Variants in AKAP19 observed in about 807,000 individuals in gnomAD.
The protein encoded by AKAP19 is small A-kinase anchoring protein.
chr2:190,199,345 C>CA, the AKAP19 span, among the ~76,000 whole-genome samples: 6 of 152,048 alleles, frequency 3.9e-5, no homozygotes, highest in Admixed American at 3.3e-4. Flanking sequence ...CATGGCTGTA[C>CA]AAAAATAGGT....
the AKAP19 span, among the ~76,000 whole-genome samples, chr2:190,116,249 C>T: frequency 6.6e-6 from 1 of 152,142 alleles, no homozygotes. Flanking sequence ...TTTATGGGCT[C>T]ATGGTTCTGG....
At chr2:190,004,539 TTTC>T in the AKAP19 span, among the ~76,000 whole-genome samples, 3 of 152,130 alleles carry the variant, frequency 2.0e-5, no homozygotes, top group Non-Finnish European at 4.4e-5. Flanking sequence ...TGAACACTAT[TTTC>T]TTCTTTTGTG....
the AKAP19 span, among the ~76,000 whole-genome samples, chr2:190,070,864 T>G: frequency 3.3e-5 from 5 of 152,194 alleles, no homozygotes; most frequent in African/African-American, 4.8e-5. Flanking sequence ...TGATAAAGTA[T>G]GGTATAGTAA....
At chr2:190,126,314 A>AAAAAAAAAAAAAC in the AKAP19 span, among the ~76,000 whole-genome samples, 1 of 142,018 alleles carries the variant, frequency 7.0e-6, no homozygotes, top group Non-Finnish European at 1.5e-5. Context: ...AAAAAAAAAA[A>AAAAAAAAAAAAAC]AAAAAAAAAA....
chr2:190,007,833 G>A, the AKAP19 span, among the ~76,000 whole-genome samples: 56 of 152,032 alleles, frequency 3.7e-4, no homozygotes, highest in Admixed American at 7.2e-4. Context: ...GTGGTGGTGC[G>A]TGCCTGTAAT....
At chr2:189,967,655 C>A in the AKAP19 span, among the ~76,000 whole-genome samples, 8 of 151,570 alleles carry the variant, frequency 5.3e-5, no homozygotes, top group African/African-American at 1.9e-4. Context: ...ATTTGAGATG[C>A]AAAAAGAAAG....
the AKAP19 span, among the ~76,000 whole-genome samples, chr2:190,090,125 C>T: frequency 0.5 from 75,272 of 151,888 alleles, 19,132 homozygotes; most frequent in East Asian, 0.75. Flanking sequence ...TTGGGAGAGA[C>T]TGATATTACC....
chr2:190,112,160 C>G, the AKAP19 span, among the ~76,000 whole-genome samples: 68,764 of 152,060 alleles, frequency 0.45, 16,384 homozygotes, highest in South Asian at 0.68. Flanking sequence ...TTATAAAAAA[C>G]TATTTTCTTC....
the AKAP19 span, chr2:190,199,993 A>AG: frequency 6.2e-7 from 1 of 1,613,992 alleles, no homozygotes; most frequent in Non-Finnish European, 8.5e-7. Flanking sequence ...AGTTAATGTC[A>AG]AAGAGGAAGT....
chr2:189,976,866 G>A, the AKAP19 span, among the ~76,000 whole-genome samples: 6 of 152,152 alleles, frequency 3.9e-5, no homozygotes, highest in Non-Finnish European at 8.8e-5. Flanking sequence ...TTTTCCCGGT[G>A]CCGTCTGTCA....
At chr2:190,086,479 G>A in the AKAP19 span, among the ~76,000 whole-genome samples, 1 of 152,166 alleles carries the variant, frequency 6.6e-6, no homozygotes. Context: ...CAAGGAAGAT[G>A]GGGAAAGAGA....
the AKAP19 span, among the ~76,000 whole-genome samples, chr2:190,084,882 T>C: frequency 6.6e-6 from 1 of 152,252 alleles, no homozygotes; most frequent in East Asian, 1.9e-4. Context: ...GAGGGAATGC[T>C]GCCTCTGGTG....
the AKAP19 span, among the ~76,000 whole-genome samples, chr2:189,991,055 A>G: frequency 6.6e-6 from 1 of 152,208 alleles, no homozygotes. Context: ...GTAGTATTCC[A>G]TGGTATTATA....
chr2:190,044,975 T>G, the AKAP19 span, among the ~76,000 whole-genome samples: 1 of 152,110 alleles, frequency 6.6e-6, no homozygotes, highest in Non-Finnish European at 1.5e-5. Context: ...TCACATTTGG[T>G]AGAGCAGCTG....
chr2:190,076,686 T>C, the AKAP19 span, among the ~76,000 whole-genome samples: 8 of 152,210 alleles, frequency 5.3e-5, no homozygotes, highest in African/African-American at 1.7e-4. Context: ...TCTTACTCTT[T>C]GGCTACTTTT....
At chr2:189,904,575 T>C in the AKAP19 span, among the ~76,000 whole-genome samples, 4 of 152,032 alleles carry the variant, frequency 2.6e-5, no homozygotes, top group South Asian at 8.3e-4. Context: ...TCATTATCGT[T>C]TTGAGGACAA....
the AKAP19 span, among the ~76,000 whole-genome samples, chr2:189,908,001 G>A: frequency 6.6e-6 from 1 of 151,828 alleles, no homozygotes; most frequent in Non-Finnish European, 1.5e-5. Context: ...CAAAAAAATC[G>A]TTCTTAGTTT....
At chr2:190,060,138 C>A in the AKAP19 span, 1 of 1,612,868 alleles carries the variant, frequency 6.2e-7, no homozygotes, top group Admixed American at 1.7e-5. Flanking sequence ...TATTTCAATG[C>A]CTAAGTTGGA....
chr2:190,170,065 A>G, the AKAP19 span, among the ~76,000 whole-genome samples: 21 of 152,370 alleles, frequency 1.4e-4, no homozygotes, highest in East Asian at 3.9e-3. Flanking sequence ...ATGGAAACTT[A>G]TGTCCCAGTT....
Sources: gnomAD v4.1 joint callset for allele counts (sites outside exome capture counted in the v4.1 genomes callset) on GRCh38, gnomAD v4.1.1 for gene constraint, MANE v1.5 for transcripts, NCBI Gene and HGNC (gene_info 2026-07-23, HGNC 2026-07-21) for gene names.